Variants in MCTP1 observed in about 807,000 individuals in gnomAD.
MCTP1 encodes multiple C2 and transmembrane domain-containing protein 1.
Under a neutral mutation model 120.6 loss-of-function variants are expected in MCTP1, and 69 were observed. That is an observed-to-expected ratio of 0.57 (90% CI 0.47 to 0.70). MCTP1 has a LOEUF of 0.70. Ranked by LOEUF, MCTP1 falls within the 30% of genes least tolerant of loss-of-function variation. MCTP1 has a pLI of 0.00. For missense variants in MCTP1, 1,203 were observed against 1,248.8 expected (o/e 0.96, Z 0.55); for synonymous variants, 529 against 493.1 (o/e 1.07, Z -0.96).
intron 1 of MCTP1, among the ~76,000 whole-genome samples, chr5:95,073,232 G>T (rs956840747): frequency 6.6e-6 from 1 of 152,052 alleles, no homozygotes; most frequent in Non-Finnish European, 1.5e-5. Context: ...TAGGAGAGAC[G>T]GCGTCCACAT....
intron 10 of MCTP1, among the ~76,000 whole-genome samples, chr5:94,904,856 T>A (rs1806399786): frequency 6.6e-6 from 1 of 152,186 alleles, no homozygotes; most frequent in South Asian, 2.1e-4. Flanking sequence ...AGATACTTGT[T>A]TAGGTATGGA....
At chr5:94,741,501 G>C (rs898104849) in intron 19 of MCTP1, among the ~76,000 whole-genome samples, 16 of 152,282 alleles carry the variant, frequency 1.1e-4, no homozygotes, top group Non-Finnish European at 1.0e-4. Flanking sequence ...TTGAATTCAA[G>C]ATAGAGTCCA....
chr5:94,967,119 G>A (rs1242072813), intron 2 of MCTP1, among the ~76,000 whole-genome samples: 1 of 152,204 alleles, frequency 6.6e-6, no homozygotes, highest in African/African-American at 2.4e-5. Context: ...TATACACTCA[G>A]ATGTTAATCT....
intron 17 of MCTP1, among the ~76,000 whole-genome samples, chr5:94,833,202 CTT>C (rs1293215831): frequency 6.7e-6 from 1 of 150,356 alleles, no homozygotes; most frequent in Non-Finnish European, 1.5e-5. Flanking sequence ...GTTTTGTGTG[CTT>C]TTTTTTTGGC....
intron 19 of MCTP1, among the ~76,000 whole-genome samples, chr5:94,767,002 A>G (rs1465619451): frequency 2.0e-5 from 3 of 152,236 alleles, no homozygotes; most frequent in Admixed American, 1.3e-4. Context: ...CCTGATGAAC[A>G]TAGACACAAA....
intron 15 of MCTP1, 127 bp from the exon 16 acceptor site, chr5:94,870,618 A>G: frequency 1.3e-6 from 1 of 758,768 alleles, no homozygotes; most frequent in Non-Finnish European, 2.2e-6. Flanking sequence ...ATAAAATATA[A>G]ATGTATACAG....
intron 12 of MCTP1, among the ~76,000 whole-genome samples, chr5:94,880,336 C>G (rs1365942319): frequency 2.6e-5 from 4 of 152,048 alleles, no homozygotes; most frequent in African/African-American, 9.7e-5. Flanking sequence ...GACCTTCCTG[C>G]AGAAAAGCAT....
At chr5:95,280,847 C>A (rs1024368982) in intron 1 of MCTP1, among the ~76,000 whole-genome samples, 1 of 152,186 alleles carries the variant, frequency 6.6e-6, no homozygotes, top group Non-Finnish European at 1.5e-5. Flanking sequence ...ACTCCCAAAT[C>A]TCTTTCCCCA....
intron 2 of MCTP1, among the ~76,000 whole-genome samples, chr5:94,994,751 G>A (rs1392597445): frequency 6.6e-6 from 1 of 152,148 alleles, no homozygotes; most frequent in Non-Finnish European, 1.5e-5. Context: ...AGGCAGACCC[G>A]CCCTCCATCT....
intron 1 of MCTP1, among the ~76,000 whole-genome samples, chr5:95,144,911 GT>G (rs1024005400): frequency 1.1e-4 from 16 of 152,072 alleles, no homozygotes; most frequent in African/African-American, 3.6e-4. Flanking sequence ...TTTTGGAATA[GT>G]TTTTTTCCTA....
At chr5:94,963,769 T>A (rs1039236416) in intron 2 of MCTP1, among the ~76,000 whole-genome samples, 1 of 152,190 alleles carries the variant, frequency 6.6e-6, no homozygotes, top group Admixed American at 6.5e-5. Context: ...AGATTGCTTT[T>A]TTATTTTGTT....
chr5:94,913,003 G>C (rs1809145950), intron 8 of MCTP1, 27 bp from the exon 9 acceptor site: 1 of 1,572,912 alleles, frequency 6.4e-7, no homozygotes, highest in African/African-American at 1.4e-5. Context: ...ATTGAGTTAG[G>C]TTACTGTGTT....
chr5:95,001,060 A>G (rs1335564502), intron 2 of MCTP1, among the ~76,000 whole-genome samples: 1 of 152,146 alleles, frequency 6.6e-6, no homozygotes, highest in Non-Finnish European at 1.5e-5. Context: ...AGTTCTCACC[A>G]CACCTGATGG....
At chr5:95,156,030 AG>A (rs1739408237) in intron 1 of MCTP1, among the ~76,000 whole-genome samples, 1 of 152,234 alleles carries the variant, frequency 6.6e-6, no homozygotes, top group African/African-American at 2.4e-5. Context: ...CCTGGCCAAC[AG>A]TCAGCAAGAA....
At chr5:95,210,634 C>G (rs1247972626) in intron 1 of MCTP1, among the ~76,000 whole-genome samples, 3 of 151,004 alleles carry the variant, frequency 2.0e-5, no homozygotes, top group Non-Finnish European at 2.9e-5. Context: ...ATCCAATTTG[C>G]CAGTCTGTGT....
chr5:94,810,513 ACCCAGC>A (rs1423383552), intron 17 of MCTP1, among the ~76,000 whole-genome samples: 1 of 152,200 alleles, frequency 6.6e-6, no homozygotes, highest in Non-Finnish European at 1.5e-5. Flanking sequence ...AAAATAGGAT[ACCCAGC>A]TATCTAACAA....
intron 19 of MCTP1, among the ~76,000 whole-genome samples, chr5:94,764,183 C>T (rs190214389): frequency 1.3e-5 from 2 of 152,208 alleles, no homozygotes; most frequent in African/African-American, 4.8e-5. Context: ...GCCTGTGTCA[C>T]CCAAAGAAAG....
intron 19 of MCTP1, among the ~76,000 whole-genome samples, chr5:94,773,896 C>A (rs115869404): frequency 0.016 from 2,437 of 152,172 alleles, 43 homozygotes; most frequent in Non-Finnish European, 0.022. Flanking sequence ...TTATTGTGTG[C>A]GGACACGGCC....
intron 1 of MCTP1, among the ~76,000 whole-genome samples, chr5:95,256,514 T>G (rs965178256): frequency 2.6e-5 from 4 of 152,192 alleles, no homozygotes; most frequent in African/African-American, 9.7e-5. Flanking sequence ...GACTCCTAAC[T>G]ACATTGCATC....
Sources: gnomAD v4.1 joint callset for allele counts (sites outside exome capture counted in the v4.1 genomes callset) on GRCh38, gnomAD v4.1.1 for gene constraint, MANE v1.5 for transcripts, NCBI Gene and HGNC (gene_info 2026-07-23, HGNC 2026-07-21) for gene names.